Variants in ERC2 observed in about 807,000 individuals in gnomAD.
ERC2 encodes ELKS/RAB6-interacting/CAST family member 2.
A neutral mutation model predicts 114.8 loss-of-function variants in ERC2; 42 were observed. That is an observed-to-expected ratio of 0.37 (90% CI 0.29 to 0.47). The LOEUF (loss-of-function observed/expected upper bound fraction) is 0.47. Among genes scored for constraint, ERC2 ranks in the 20% least tolerant of loss-of-function variants. ERC2 has a pLI of 0.99. For missense variants in ERC2, 939 were observed against 1,150.7 expected (o/e 0.82, Z 2.66); for synonymous variants, 454 against 425.5 (o/e 1.07, Z -0.82).
chr3:56,007,154 T>G (rs768778659), intron 10 of ERC2, 27 bp downstream of exon 10: 56 of 1,528,842 alleles, frequency 3.7e-5, no homozygotes, highest in South Asian at 3.5e-4. Flanking sequence ...TAAATAAGCA[T>G]GATTCTTTTT....
intron 14 of ERC2, among the ~76,000 whole-genome samples, chr3:55,875,801 T>G (rs549779595): frequency 7.9e-5 from 12 of 152,044 alleles, no homozygotes; most frequent in African/African-American, 2.7e-4. Context: ...AAAATTACAA[T>G]CTAGCAAGAT....
chr3:56,187,382 A>G (rs1430188232), intron 3 of ERC2, among the ~76,000 whole-genome samples: 2 of 152,240 alleles, frequency 1.3e-5, no homozygotes, highest in African/African-American at 2.4e-5. Flanking sequence ...TCTACGATTC[A>G]GAGGTTGTAC....
chr3:55,563,385 C>T (rs189185391), intron 17 of ERC2, among the ~76,000 whole-genome samples: 12 of 149,370 alleles, frequency 8.0e-5, no homozygotes, highest in African/African-American at 2.2e-4. Context: ...ATTGCTCTCA[C>T]GTATTTGGTA....
chr3:56,147,650 C>T (rs2081210103), intron 5 of ERC2, among the ~76,000 whole-genome samples: 1 of 152,154 alleles, frequency 6.6e-6, no homozygotes, highest in African/African-American at 2.4e-5. Context: ...TACTCTAACT[C>T]TGCTGCATTT....
At chr3:56,045,903 C>A (rs1331102498) in intron 7 of ERC2, among the ~76,000 whole-genome samples, 3 of 151,968 alleles carry the variant, frequency 2.0e-5, no homozygotes, top group Non-Finnish European at 2.9e-5. Flanking sequence ...AATCACACAC[C>A]TGCAAAAAAT....
At chr3:55,565,138 C>T (rs981393390) in intron 17 of ERC2, among the ~76,000 whole-genome samples, 4 of 152,056 alleles carry the variant, frequency 2.6e-5, no homozygotes, top group African/African-American at 9.7e-5. Flanking sequence ...ACATGGACTG[C>T]CTCCCACCAG....
chr3:56,296,373 G>T lies in ERC2; in HGVS notation c.720C>A (p.His240Gln), dbSNP rs74804174. 51,349 of 1,614,016 alleles carry T rather than the reference G, an allele frequency of 0.032. 1,005 individuals are homozygous for T. The highest frequency in any genetic ancestry group is 0.037 in the Non-Finnish European group (43,246 of 1,179,884). Residue 240 changes from histidine to glutamine, a missense_variant, in exon 3 of 18, where the codon CAC (histidine) becomes CAA (glutamine). Physicochemically the swap from His to Gln is conservative, Grantham distance 24. Around this residue, in one of 5 missense-constraint regions of ERC2, gnomAD observed 281 missense variants for 307.4 expected, o/e 0.91. Coordinates refer to ENST00000288221, the MANE Select transcript of ERC2 (RefSeq NM_015576.3). ...DELRTQRDLN[H>Q]LLQQESGNRG... ...GGTTGCCACTCTCTTGCTGGAGGAG[G>T]TGGTTGAGGTCTCTCTGGGTTCGCA... is the stretch of plus-strand genomic sequence containing the variant.
At chr3:55,720,410 C>T (rs567370913) in intron 15 of ERC2, among the ~76,000 whole-genome samples, 2 of 149,442 alleles carry the variant, frequency 1.3e-5, no homozygotes, top group Admixed American at 6.7e-5. Context: ...CTCAGTCTCC[C>T]GAGTAGCTGA....
In ERC2 at chr3:55,603,643, C is replaced by CAA. The variant is rs34016147; in HGVS notation, c.*39+80149_*39+80150dup. ...TGGGTGACGGAGTGAGACTCTGTCT[C>CAA]AAAAAAAAAAAAAAAAAAAGCCCTT... is the stretch of plus-strand genomic sequence containing the variant. On this transcript the variant is annotated intron_variant, in intron 17 of 17. Coordinates refer to ENST00000288221, the MANE Select transcript of ERC2 (RefSeq NM_015576.3). Among the ~76,000 whole-genome samples, 341 of 67,162 alleles carry CAA rather than the reference C, an allele frequency of 5.1e-3. 5 individuals are homozygous for CAA. Among genetic ancestry groups the CAA allele is most frequent in the African/African-American group, 0.015 (271 of 18,020 alleles). The allele number at this position is 67,162 out of a possible 152,430, so 44.1% of individuals were successfully genotyped here. A position where few individuals can be genotyped will look rare whatever the true frequency, so the allele number is the denominator to read the frequency against.
At chr3:56,363,714 A>G (rs1359897257) in intron 2 of ERC2, among the ~76,000 whole-genome samples, 3 of 151,610 alleles carry the variant, frequency 2.0e-5, no homozygotes, top group Non-Finnish European at 2.9e-5. Flanking sequence ...TTAGTCTTCC[A>G]TGCTTTAGTC....
intron 2 of ERC2, among the ~76,000 whole-genome samples, chr3:56,420,019 A>G (rs9858396): frequency 0.028 from 4,269 of 152,130 alleles, 217 homozygotes; most frequent in African/African-American, 0.098. Flanking sequence ...ATTGATTTCT[A>G]TTGGTCTTAG....
intron 3 of ERC2, among the ~76,000 whole-genome samples, chr3:56,218,005 C>T (rs1439649822): frequency 1.3e-5 from 2 of 152,178 alleles, no homozygotes; most frequent in Non-Finnish European, 1.5e-5. Flanking sequence ...GGATTAAAGA[C>T]TTACATGTTA....
chr3:56,336,290 G>A (rs1215642205), intron 2 of ERC2, among the ~76,000 whole-genome samples: 2 of 152,212 alleles, frequency 1.3e-5, no homozygotes, highest in African/African-American at 4.8e-5. Flanking sequence ...AATGGTGTCT[G>A]ACACATGGAA....
At chr3:56,420,233 G>A (rs1401714162) in intron 2 of ERC2, among the ~76,000 whole-genome samples, 1 of 124,022 alleles carries the variant, frequency 8.1e-6, no homozygotes, top group Non-Finnish European at 1.6e-5. Context: ...CACTCAGGCT[G>A]GAGTGCAGTA....
chr3:55,683,433 G>A (rs535676300), intron 17 of ERC2, among the ~76,000 whole-genome samples: 81 of 152,242 alleles, frequency 5.3e-4, no homozygotes, highest in South Asian at 3.1e-3. Context: ...GCAAGCAGTC[G>A]GCTGAAAACC....
At position 55,918,805 on chromosome 3, in the gene ERC2, A is replaced by G. The variant is rs116234727; in HGVS notation, c.2404-30256T>C. Among the ~76,000 whole-genome samples the G allele has an allele frequency of 6.3e-3, 956 of 150,626 alleles. 18 individuals carry two copies. The highest frequency in any genetic ancestry group is 0.022 in the African/African-American group (917 of 40,918). On this transcript the variant is annotated intron_variant, in intron 13 of 17. Transcript: ENST00000288221. Reference sequence around the variant, plus strand: ...AGACCATTCACTCATTCTAGACATCACCTGACTGCAACTAGATGAAGAAGA... The same window carrying G: ...AGACCATTCACTCATTCTAGACATCGCCTGACTGCAACTAGATGAAGAAGA...
At chr3:55,779,650 C>T (rs530218764) in intron 14 of ERC2, among the ~76,000 whole-genome samples, 4 of 152,132 alleles carry the variant, frequency 2.6e-5, no homozygotes, top group African/African-American at 7.2e-5. Context: ...GCAAAAAAAA[C>T]CCCAGCAGCA....
intron 17 of ERC2, among the ~76,000 whole-genome samples, chr3:55,565,036 G>C (rs570649468): frequency 6.6e-5 from 10 of 152,300 alleles, no homozygotes; most frequent in African/African-American, 1.7e-4. Flanking sequence ...TGGGCTGCAG[G>C]CCATAGTTTG....
intron 3 of ERC2, among the ~76,000 whole-genome samples, chr3:56,220,068 C>A (rs143706262): frequency 6.6e-6 from 1 of 152,174 alleles, no homozygotes. Flanking sequence ...GCAGATGCCT[C>A]TGAATGGCAC....
Sources: gnomAD v4.1 joint callset for allele counts (sites outside exome capture counted in the v4.1 genomes callset) on GRCh38, gnomAD v4.1.1 for gene constraint, gnomAD v4.1.1 regional missense constraint, MANE v1.5 for transcripts, NCBI Gene and HGNC (gene_info 2026-07-23, HGNC 2026-07-21) for gene names.